FKBP6: variants seen among roughly 807,000 people sequenced by gnomAD.
FKBP6 encodes the protein FKBP prolyl isomerase family member 6 (inactive).
Under a neutral mutation model 41.7 loss-of-function variants are expected in FKBP6, and 29 were observed. That is an observed-to-expected ratio of 0.70 (90% CI 0.52 to 0.95). The LOEUF (loss-of-function observed/expected upper bound fraction) is 0.95. FKBP6 is among the 40% of genes least tolerant of loss of function. FKBP6 has a pLI of 0.00. For missense variants in FKBP6, 338 were observed against 408.7 expected (o/e 0.83, Z 1.49); for synonymous variants, 130 against 165.1 (o/e 0.79, Z 1.63).
intron 8 of FKBP6, among the ~76,000 whole-genome samples, chr7:73,350,942 G>A (rs1554551026): frequency 6.6e-6 from 1 of 152,182 alleles, no homozygotes; most frequent in East Asian, 1.9e-4. Flanking sequence ...TCTAGGCAGG[G>A]AATCTGTTTG....
At chr7:73,346,443 C>T (rs1037915024) in intron 8 of FKBP6, among the ~76,000 whole-genome samples, 4 of 152,168 alleles carry the variant, frequency 2.6e-5, no homozygotes. Context: ...GAGGGAGCAC[C>T]CCTGATCAGA....
chr7:73,344,023 C>T (rs13240408), intron 8 of FKBP6, among the ~76,000 whole-genome samples: 18,991 of 152,240 alleles, frequency 0.12, 1,311 homozygotes, highest in Middle Eastern at 0.18. Context: ...ATGTTGCCTT[C>T]GTCACTGATG....
chr7:73,336,465 A>G (rs1805005971), intron 5 of FKBP6, among the ~76,000 whole-genome samples: 1 of 152,156 alleles, frequency 6.6e-6, no homozygotes, highest in African/African-American at 2.4e-5. Context: ...CCACTGAGGA[A>G]GAGTGTGTTG....
chr7:73,335,205 C>G (rs1554548357), intron 5 of FKBP6, among the ~76,000 whole-genome samples: 1 of 151,694 alleles, frequency 6.6e-6, no homozygotes, highest in African/African-American at 2.4e-5. Context: ...AGGAGGCCAC[C>G]TCTTTCACAG....
intron 8 of FKBP6, among the ~76,000 whole-genome samples, chr7:73,344,490 C>T (rs563491806): frequency 2.6e-5 from 4 of 152,308 alleles, no homozygotes; most frequent in Admixed American, 1.3e-4. Flanking sequence ...TGTGTCTTTG[C>T]TCTCCCTGCT....
intron 8 of FKBP6, among the ~76,000 whole-genome samples, chr7:73,350,695 TGTG>T (rs1321533450): frequency 6.6e-6 from 1 of 152,048 alleles, no homozygotes; most frequent in Non-Finnish European, 1.5e-5. Flanking sequence ...AAGGCAAGGT[TGTG>T]GAGAGTACTC....
At chr7:73,341,455 C>G (rs1158682603) in intron 7 of FKBP6, 73 bp downstream of exon 7, 4 of 949,694 alleles carry the variant, frequency 4.2e-6, no homozygotes, top group African/African-American at 1.6e-5. Context: ...CCACCCCCCC[C>G]AACAAAGGAC....
Position 73,328,315 on chromosome 7 carries a change from GTA to G in FKBP6, c.-113_-112del, listed in dbSNP as rs1554546648. ...GCCCCAGAATGGAATGCCGCCGTCGGTAGGGGTCTGCCGGGCATAAAGGGGCC... is the reference window on the plus strand; with the variant it reads ...GCCCCAGAATGGAATGCCGCCGTCGGGGGGTCTGCCGGGCATAAAGGGGCC... On this transcript the variant is annotated 5_prime_UTR_variant, in exon 1 of 9. It removes the in-frame stop codon of an upstream open reading frame in the 5' UTR. Coordinates refer to ENST00000252037, the MANE Select transcript of FKBP6 (RefSeq NM_003602.5). 1.3e-6 allele frequency: 2 copies of G among 1,549,408 alleles called. No individual in the cohort carries two copies. Among genetic ancestry groups the G allele is most frequent in the East Asian group, 4.9e-5 (2 of 40,914 alleles).
intron 8 of FKBP6, among the ~76,000 whole-genome samples, chr7:73,343,825 A>G (rs1476714249): frequency 6.6e-6 from 1 of 152,220 alleles, no homozygotes; most frequent in Non-Finnish European, 1.5e-5. Context: ...ACAAGGAACA[A>G]CAAGAAAACA....
rs781881868 is a variant in FKBP6, at chr7:73,340,659, C to T, written c.610C>T (p.Arg204Ter). The T allele has an allele frequency of 7.4e-6, 12 of 1,613,526 alleles. No homozygotes were observed. The highest frequency in any genetic ancestry group is 4.5e-5 in the East Asian group (2 of 44,872). Residue 204 changes from arginine (R) to a stop codon, truncating the protein, a stop_gained, in exon 6 of 9, where the codon CGA becomes TGA. Coordinates refer to ENST00000252037, the MANE Select transcript of FKBP6 (RefSeq NM_003602.5). LOFTEE classifies it high-confidence loss of function. ...ACAGGCCCTATTGCTTCTGCGCCGG[C>T]GATCAGCACCCCCTGAAGAGCAGCA... ...YKRALLLLRR[R>*]SAPPEEQHLV...
rs781811349 is a variant in FKBP6, at chr7:73,331,778, T to TGA, written c.588+5_588+6dup. ...GATGCCAAAGTGAGATATAAAAGGG[T>TGA]GAGAATGCTTTGAAAGTTAAGTGTA... On this transcript the variant is annotated splice_region_variant and intron_variant, in intron 5 of 8. Coordinates refer to ENST00000252037, the MANE Select transcript of FKBP6 (RefSeq NM_003602.5). 24 of 1,612,176 alleles carry TGA rather than the reference T, an allele frequency of 1.5e-5. No homozygotes were observed. Among genetic ancestry groups the TGA allele is most frequent in the Non-Finnish European group, 2.0e-5 (23 of 1,178,390 alleles).
chr7:73,348,805 T>C (rs1805405007), intron 8 of FKBP6, among the ~76,000 whole-genome samples: 1 of 152,196 alleles, frequency 6.6e-6, no homozygotes, highest in African/African-American at 2.4e-5. Flanking sequence ...TACAGAGGTT[T>C]TTAAAAGGAT....
chr7:73,329,620 G>A, intron 3 of FKBP6, 171 bp downstream of exon 3: 3 of 658,218 alleles, frequency 4.6e-6, no homozygotes, highest in Non-Finnish European at 8.2e-6. Context: ...AGGCATTTGG[G>A]AGATGGCTTA....
At chr7:73,333,188 T>C (rs190815715) in intron 5 of FKBP6, among the ~76,000 whole-genome samples, 233 of 151,770 alleles carry the variant, frequency 1.5e-3, no homozygotes, top group Admixed American at 2.9e-3. Context: ...GGAGAATCAC[T>C]TGAACCCAGG....
At chr7:73,343,932 A>G (rs372247121) in intron 8 of FKBP6, among the ~76,000 whole-genome samples, 20 of 152,314 alleles carry the variant, frequency 1.3e-4, no homozygotes, top group South Asian at 1.2e-3. Flanking sequence ...GAAAAGGCCT[A>G]TTCATCCCCG....
chr7:73,350,163 A>G (rs1390739483), intron 8 of FKBP6, among the ~76,000 whole-genome samples: 2 of 152,208 alleles, frequency 1.3e-5, no homozygotes, highest in African/African-American at 4.8e-5. Context: ...GTACTGGCAT[A>G]TTACTAGAAT....
intron 8 of FKBP6, among the ~76,000 whole-genome samples, chr7:73,353,028 G>A (rs1805532110): frequency 6.6e-6 from 1 of 152,050 alleles, no homozygotes; most frequent in Non-Finnish European, 1.5e-5. Flanking sequence ...TTGGCTAGTG[G>A]CCCCTTCCTC....
chr7:73,342,243 A>G (rs1209032543), intron 7 of FKBP6, among the ~76,000 whole-genome samples: 4 of 152,224 alleles, frequency 2.6e-5, no homozygotes, highest in African/African-American at 9.7e-5. Context: ...AGTCCCCCAT[A>G]ACTCCATCAC....
At chr7:73,342,497 G>T (rs1554549727) in intron 7 of FKBP6, among the ~76,000 whole-genome samples, 3 of 152,196 alleles carry the variant, frequency 2.0e-5, no homozygotes, top group Non-Finnish European at 4.4e-5. Context: ...ATCAGGAGAG[G>T]TTAGAGGCTG....
Sources: allele counts gnomAD v4.1 joint callset (sites outside exome capture counted in the v4.1 genomes callset), GRCh38; gene constraint gnomAD v4.1.1; transcripts MANE v1.5; gene names NCBI Gene and HGNC (gene_info 2026-07-23, HGNC 2026-07-21).